Variants in ANKS1B observed in about 807,000 individuals in gnomAD.
ANKS1B encodes ankyrin repeat and sterile alpha motif domain containing 1B.
In ANKS1B, 36 loss-of-function variants were observed where a neutral mutation model predicts 148.3. That is an observed-to-expected ratio of 0.24 (90% confidence interval 0.19 to 0.32). The LOEUF (loss-of-function observed/expected upper bound fraction) is 0.32, where lower values mean the gene tolerates loss of function less well. Ranked by LOEUF, ANKS1B falls within the 10% of genes least tolerant of loss-of-function variation. ANKS1B has a pLI of 1.00. For synonymous variants in ANKS1B, 542 were observed against 560.8 expected (o/e 0.97, Z 0.47); for missense variants, 1,157 against 1,542.6 (o/e 0.75, Z 4.19).
intron 15 of ANKS1B, among the ~76,000 whole-genome samples, chr12:99,110,597 G>T (rs182722665): frequency 1.2e-4 from 18 of 152,268 alleles, no homozygotes; most frequent in African/African-American, 1.2e-4. Context: ...TAAAAGCAAA[G>T]AATGAAAATT....
At chr12:98,881,045 A>G (rs2099706591) in intron 17 of ANKS1B, among the ~76,000 whole-genome samples, 1 of 152,210 alleles carries the variant, frequency 6.6e-6, no homozygotes, top group Admixed American at 6.5e-5. Flanking sequence ...GAATAGCAGT[A>G]TATTTTTTAA....
chr12:99,899,367 ATT>A (rs926798011), intron 1 of ANKS1B, among the ~76,000 whole-genome samples: 2 of 152,138 alleles, frequency 1.3e-5, no homozygotes, highest in African/African-American at 4.8e-5. Context: ...CTAGTTTAAT[ATT>A]GTTTCCCTCA....
chr12:99,524,915 T>C (rs952996126), intron 9 of ANKS1B, among the ~76,000 whole-genome samples: 2 of 152,112 alleles, frequency 1.3e-5, no homozygotes, highest in African/African-American at 4.8e-5. Flanking sequence ...CAGTCCAAGA[T>C]GAGATTTGGG....
intron 19 of ANKS1B, among the ~76,000 whole-genome samples, chr12:98,814,259 A>G (rs2099121742): frequency 1.3e-5 from 2 of 152,244 alleles, no homozygotes; most frequent in South Asian, 4.1e-4. Context: ...GTTGTTGTGC[A>G]GCTTCACGAG....
intron 12 of ANKS1B, among the ~76,000 whole-genome samples, chr12:99,384,149 G>A (rs768647981): frequency 1.3e-5 from 2 of 152,122 alleles, no homozygotes; most frequent in Non-Finnish European, 2.9e-5. Flanking sequence ...TAATGTGTCT[G>A]ATGCTTAGAA....
At chr12:99,554,834 T>C (rs1211903706) in intron 9 of ANKS1B, among the ~76,000 whole-genome samples, 1 of 152,154 alleles carries the variant, frequency 6.6e-6, no homozygotes, top group Non-Finnish European at 1.5e-5. Flanking sequence ...AGTTTTTCAG[T>C]TCTCCTCCTC....
intron 9 of ANKS1B, among the ~76,000 whole-genome samples, chr12:99,512,195 AG>A (rs1249667056): frequency 6.6e-6 from 1 of 152,094 alleles, no homozygotes; most frequent in Admixed American, 6.6e-5. Context: ...AGAATCTATA[AG>A]GAAGTTAAAT....
intron 4 of ANKS1B, among the ~76,000 whole-genome samples, chr12:99,789,072 C>A (rs1461955198): frequency 6.6e-6 from 1 of 152,180 alleles, no homozygotes. Flanking sequence ...CAGTGCTGAG[C>A]TGGCTTCAGG....
At chr12:99,523,287 T>C (rs895376172) in intron 9 of ANKS1B, among the ~76,000 whole-genome samples, 4 of 152,112 alleles carry the variant, frequency 2.6e-5, no homozygotes, top group African/African-American at 9.7e-5. Flanking sequence ...ACCCCTGTCA[T>C]GTGAGAAAAG....
rs2099808045 is a variant in ANKS1B, at chr12:98,926,272, T to C, written c.2779-94136A>G. ...CATTTAAGGAAATCTGTTCAATCAT[T>C]AGGTAATTGGTAAGCTAACTGAGCA... On this transcript the variant is annotated intron_variant, in intron 17 of 26. Coordinates refer to ENST00000683438, the MANE Select transcript of ANKS1B (RefSeq NM_001352186.2). Among the ~76,000 whole-genome samples the C allele has an allele frequency of 2.0e-5, 3 of 152,248 alleles. No homozygotes were observed. In the South Asian group the frequency reaches 6.2e-4, roughly 32 times the overall value.
intron 17 of ANKS1B, among the ~76,000 whole-genome samples, chr12:98,902,895 C>T (rs1445763512): frequency 3.3e-5 from 5 of 152,344 alleles, no homozygotes; most frequent in East Asian, 1.9e-4. Flanking sequence ...CTCATTCCCA[C>T]AGCACCTTCT....
intron 9 of ANKS1B, among the ~76,000 whole-genome samples, chr12:99,649,063 T>C (rs538180075): frequency 6.6e-6 from 1 of 152,338 alleles, no homozygotes; most frequent in East Asian, 1.9e-4. Context: ...AATGTTGTAA[T>C]GCTGTCCAAA....
chr12:99,609,547 G>C (rs1190265672), intron 9 of ANKS1B, among the ~76,000 whole-genome samples: 2 of 140,480 alleles, frequency 1.4e-5, no homozygotes, highest in African/African-American at 5.1e-5. Context: ...CTTTTTATAA[G>C]AAAAAAAAAA....
At chr12:98,781,042 A>T (rs2098730497) in intron 24 of ANKS1B, 75 bp downstream of exon 24, 5 of 913,148 alleles carry the variant, frequency 5.5e-6, no homozygotes, top group Admixed American at 2.4e-5. Context: ...TGGGTATTAT[A>T]GGAAGCAAAG....
chr12:99,435,606 G>C (rs2095446966), intron 11 of ANKS1B, among the ~76,000 whole-genome samples: 1 of 152,032 alleles, frequency 6.6e-6, no homozygotes. Context: ...TCTGGTTTGA[G>C]TCTGACTACA....
Position 99,343,348 on chromosome 12 carries a change from T to G in ANKS1B, c.1756+56283A>C, listed in dbSNP as rs928356204. Among the ~76,000 whole-genome samples the G allele has an allele frequency of 7.9e-5, 12 of 152,088 alleles. No individual in the cohort carries two copies. The South Asian group carries it at 2.5e-3, about 32-fold the overall frequency. ...TGGTTTATTTCTCTATTATTTGAAG[T>G]TTGTTTTTTTACACATATATCTGAA... is the stretch of plus-strand genomic sequence containing the variant. On this transcript the variant is annotated intron_variant, in intron 12 of 26. Coordinates refer to ENST00000683438, the MANE Select transcript of ANKS1B (RefSeq NM_001352186.2).
At chr12:98,736,839 T>C (rs1399162355) in intron 9 of ANKS1B, among the ~76,000 whole-genome samples, 1 of 152,244 alleles carries the variant, frequency 6.6e-6, no homozygotes, top group Non-Finnish European at 1.5e-5. Flanking sequence ...TTGATCAGTC[T>C]GCTCATTCAC....
intron 17 of ANKS1B, among the ~76,000 whole-genome samples, chr12:99,051,372 G>GT (rs1267088574): frequency 6.6e-6 from 1 of 152,188 alleles, no homozygotes; most frequent in Non-Finnish European, 1.5e-5. Context: ...GCTACCTATT[G>GT]TAAGTATTAA....
rs1352090240 is a variant in ANKS1B at position 98,750,299 on chromosome 12, C to G, written c.3747+1056G>C. The stretch of plus-strand genomic sequence containing the variant: ...TGGTAATGAGTGATGGACACAGGAG[C>G]GAATGGCCGGGGCTGGAGGGAAAGA... On this transcript the variant is annotated intron_variant, in intron 26 of 26. Coordinates refer to ENST00000683438, the MANE Select transcript of ANKS1B (RefSeq NM_001352186.2). Among the ~76,000 whole-genome samples, 3 of 152,080 alleles carry G rather than the reference C, an allele frequency of 2.0e-5. No homozygotes were observed. The East Asian group carries it at 5.8e-4, about 29-fold the overall frequency.
Sources: allele counts gnomAD v4.1 joint callset (sites outside exome capture counted in the v4.1 genomes callset), GRCh38; gene constraint gnomAD v4.1.1; transcripts MANE v1.5; gene names NCBI Gene and HGNC (gene_info 2026-07-23, HGNC 2026-07-21).